The following STYXL2 variants were observed in gnomAD, a reference collection of about 807,000 sequenced individuals.
STYXL2 encodes serine/threonine/tyrosine interacting like 2, also known as serine/threonine/tyrosine-interacting-like protein 2.
In STYXL2, 44 loss-of-function variants were observed where a neutral mutation model predicts 52.4. The ratio of observed to expected loss-of-function variants is 0.84; its 90% CI spans 0.66 to 1.08. The LOEUF (loss-of-function observed/expected upper bound fraction) is 1.08, where lower values mean the gene tolerates loss of function less well. Ranked by LOEUF, STYXL2 falls within the 50% of genes least tolerant of loss-of-function variation. STYXL2 has a pLI of 0.00. For missense variants in STYXL2, 1,604 were observed against 1,471.7 expected (o/e 1.09, Z -1.47); for synonymous variants, 604 against 586.9 (o/e 1.03, Z -0.42).
chr1:167,098,721 C>A (rs1667341827), intron 2 of STYXL2, among the ~76,000 whole-genome samples: 2 of 152,172 alleles, frequency 1.3e-5, no homozygotes, highest in South Asian at 4.1e-4. Context: ...CTCACAGAGG[C>A]ATCTTCACGT....
Position 167,117,626 on chromosome 1 carries a change from C to T in STYXL2, c.437+67C>T. 2.8e-6 allele frequency: 4 copies of T among 1,427,482 alleles called. No homozygotes were observed. In the South Asian group the frequency reaches 3.9e-5, roughly 14 times the overall value. 88.4% of individuals were successfully genotyped at this position (1,427,482 alleles called of 1,614,324 possible). ...TGGTTAGTGCCTGAGACAGACGAAA[C>T]TCCCCCAACTTTCACCAAAGGCGCC... On this transcript the variant is annotated intron_variant, in intron 4 of 5. Coordinates refer to ENST00000361200, the MANE Select transcript of STYXL2 (RefSeq NM_001080426.3).
In STYXL2 at chr1:167,125,965, G is replaced by T. The variant is rs1320081992; in HGVS notation, c.834G>T (p.Leu278Phe). 6.2e-7 allele frequency: 1 copy of T among 1,613,828 alleles called. No individual in the cohort carries two copies. Among genetic ancestry groups the T allele is most frequent in the Non-Finnish European group, 8.5e-7 (1 of 1,179,946 alleles). ...AGCTGCGGGAGCTCAATGAGAAGTT[G>T]ATGGAGGAGAGAGAAGAGGACTATG... Reference protein sequence around the residue: ...LKQLRELNEKLMEEREEDYGR... With the variant: ...LKQLRELNEKFMEEREEDYGR... Residue 278 changes from leucine to phenylalanine, a missense_variant, in exon 6 of 6, where the codon TTG becomes TTT. Leu to Phe is a conservative substitution (Grantham distance 22). Coordinates refer to ENST00000361200, the MANE Select transcript of STYXL2 (RefSeq NM_001080426.3).
chr1:167,122,285 A>G (rs567391987), intron 5 of STYXL2, among the ~76,000 whole-genome samples: 1 of 152,220 alleles, frequency 6.6e-6, no homozygotes, highest in Non-Finnish European at 1.5e-5. Context: ...CAGGCCTGGA[A>G]CAAGGACTGG....
chr1:167,126,448 C>T lies in STYXL2; in HGVS notation c.1317C>T (p.Ala439=). ...GGCGCACCCTGAGCGAGAGCAGCGCCTGGGAGAGCGTGAGCAGCCACGACA... is the reference window on the plus strand; with the variant it reads ...GGCGCACCCTGAGCGAGAGCAGCGCTTGGGAGAGCGTGAGCAGCCACGACA... ...RRRRTLSESS[A]WESVSSHDIW... is the part of the protein sequence containing the mutation. The change falls in exon 6 of 6, where the codon GCC becomes GCT. Residue 439 remains alanine (A), a synonymous_variant. Transcript: ENST00000361200. 6.3e-7 allele frequency: 1 copy of T among 1,581,882 alleles called. No individual in the cohort carries two copies. The highest frequency in any genetic ancestry group is 8.6e-7 in the Non-Finnish European group (1 of 1,164,544).
At chr1:167,124,702 T>C (rs1238194240) in intron 5 of STYXL2, among the ~76,000 whole-genome samples, 2 of 152,246 alleles carry the variant, frequency 1.3e-5, no homozygotes, top group African/African-American at 4.8e-5. Flanking sequence ...AGTTTAAAAA[T>C]GACTGCACAT....
At chr1:167,123,065 A>C (rs984868992) in intron 5 of STYXL2, among the ~76,000 whole-genome samples, 2 of 152,192 alleles carry the variant, frequency 1.3e-5, no homozygotes, top group Non-Finnish European at 2.9e-5. Context: ...TACCTTCCTC[A>C]AACCATTTTA....
Position 167,117,482 on chromosome 1 carries a change from G to A in STYXL2, c.360G>A (p.Arg120=). 6.2e-7 allele frequency: 1 copy of A among 1,612,422 alleles called. No homozygotes were observed. Among genetic ancestry groups the A allele is most frequent in the Non-Finnish European group, 8.5e-7 (1 of 1,179,302 alleles). ...CGCCCTGTGTCCTGGACCTACAGCG[G>A]GCCCTGGTTCAGGATCGCCAAGAGG... ...YNTPCVLDLQ[R]ALVQDRQEAP... Residue 120 remains arginine (R), a synonymous_variant, in exon 4 of 6, where the codon CGG becomes CGA. Coordinates refer to ENST00000361200, the MANE Select transcript of STYXL2 (RefSeq NM_001080426.3).
intron 2 of STYXL2, among the ~76,000 whole-genome samples, chr1:167,106,297 C>A (rs571133832): frequency 1.3e-5 from 2 of 152,296 alleles, no homozygotes; most frequent in South Asian, 4.1e-4. Context: ...AAGGGCGCCT[C>A]CTGTGTCTAT....
rs573171187 is a variant in STYXL2, at chr1:167,126,444, G to A, written c.1313G>A (p.Ser438Asn). The A allele has an allele frequency of 2.2e-5, 35 of 1,578,130 alleles. No individual in the cohort carries two copies. In the African/African-American group the frequency reaches 3.9e-4, roughly 18 times the overall value. ...GRRRRTLSESSAWESVSSHDI... is the reference protein window; with the variant it reads ...GRRRRTLSESNAWESVSSHDI... ...CGGCGGCGCACCCTGAGCGAGAGCA[G>A]CGCCTGGGAGAGCGTGAGCAGCCAC... The change falls in exon 6 of 6, where the codon AGC becomes AAC. Residue 438 changes from serine (S) to asparagine (N), a missense_variant. By Grantham distance (46) the Ser-to-Asn change is conservative. Coordinates refer to ENST00000361200, the MANE Select transcript of STYXL2 (RefSeq NM_001080426.3).
chr1:167,126,967 CA>C lies in STYXL2; in HGVS notation c.1838del (p.Lys613ArgfsTer67). The C allele has an allele frequency of 6.2e-7, 1 of 1,610,270 alleles. No individual in the cohort carries two copies. The highest frequency in any genetic ancestry group is 8.5e-7 in the Non-Finnish European group (1 of 1,178,196). On this transcript the variant is annotated frameshift_variant, in exon 6 of 6. Coordinates refer to ENST00000361200, the MANE Select transcript of STYXL2 (RefSeq NM_001080426.3). LOFTEE classifies it low-confidence loss of function (END_TRUNC). Reference sequence around the variant, plus strand: ...ACAAGGAGGAGGTGGTGGAGCTCAGCAAGGGGGAGGACTCGGCCTTGGCTAA... The same window carrying C: ...ACAAGGAGGAGGTGGTGGAGCTCAGCAGGGGGAGGACTCGGCCTTGGCTAA... ...ENKEEVVELSKGEDSALAKKR... is the reference protein window; with the variant it reads ...ENKEEVVELSXGEDSALAKKR...
rs1667251917 is a variant in STYXL2, at chr1:167,094,936, C to A, written c.87C>A (p.Tyr29Ter). Reference protein sequence around the residue: ...EANVRAVQAHYLRSPSPSQYS... With the variant: ...EANVRAVQAH Reference sequence around the variant, plus strand: ...ACGTGAGGGCGGTGCAGGCCCACTACCTCCGAAGCCCCTCCCCTAGCCAGT... The same window carrying A: ...ACGTGAGGGCGGTGCAGGCCCACTAACTCCGAAGCCCCTCCCCTAGCCAGT... Residue 29 changes from tyrosine (Y) to a stop codon, truncating the protein, a stop_gained, in exon 2 of 6, where the codon TAC (tyrosine) becomes TAA (stop). Coordinates refer to ENST00000361200, the MANE Select transcript of STYXL2 (RefSeq NM_001080426.3). LOFTEE classifies it high-confidence loss of function. 1 of 1,607,334 alleles carries A rather than the reference C, an allele frequency of 6.2e-7. No individual in the cohort carries two copies.
At position 167,127,676 on chromosome 1, in the gene STYXL2, G is replaced by C; in HGVS notation, c.2545G>C (p.Glu849Gln). ...KEKEMQMELR[E>Q]KMSEYKMEKL... ...GAAGGAGATGCAGATGGAGCTTAGGGAGAAGATGTCTGAGTACAAAATGGA... is the reference window on the plus strand; with the variant it reads ...GAAGGAGATGCAGATGGAGCTTAGGCAGAAGATGTCTGAGTACAAAATGGA... The change falls in exon 6 of 6, where the codon GAG becomes CAG. Residue 849 changes from glutamate (E) to glutamine (Q), a missense_variant. By Grantham distance (29) the Glu-to-Gln change is conservative (BLOSUM62 2). Coordinates refer to ENST00000361200, the MANE Select transcript of STYXL2 (RefSeq NM_001080426.3). 1 of 1,614,122 alleles carries C rather than the reference G, an allele frequency of 6.2e-7. No homozygotes were observed. Among genetic ancestry groups the C allele is most frequent in the Non-Finnish European group, 8.5e-7 (1 of 1,180,018 alleles).
rs1558028054 is a variant in STYXL2 at position 167,127,008 on chromosome 1, G to A, written c.1877G>A (p.Arg626Lys). ...DSALAKKRQR[R>K]LELLERSRQT... Reference sequence around the variant, plus strand: ...GCCTTGGCTAAGAAGAGACAACGGAGGCTGGAGCTGCTGGAGAGAAGCCGG... The same window carrying A: ...GCCTTGGCTAAGAAGAGACAACGGAAGCTGGAGCTGCTGGAGAGAAGCCGG... The change falls in exon 6 of 6, where the codon AGG becomes AAG. Residue 626 changes from arginine to lysine, a missense_variant. Coordinates refer to ENST00000361200, the MANE Select transcript of STYXL2 (RefSeq NM_001080426.3). 6.2e-7 allele frequency: 1 copy of A among 1,607,176 alleles called. No homozygotes were observed.
chr1:167,110,979 C>T (rs1025890422), intron 2 of STYXL2, among the ~76,000 whole-genome samples: 1 of 152,242 alleles, frequency 6.6e-6, no homozygotes, highest in African/African-American at 2.4e-5. Flanking sequence ...CATTGAGATG[C>T]TTTCTCTCCA....
At chr1:167,110,821 C>T (rs1296311559) in intron 2 of STYXL2, among the ~76,000 whole-genome samples, 1 of 152,204 alleles carries the variant, frequency 6.6e-6, no homozygotes. Flanking sequence ...TTCCCAGCCC[C>T]TTACAGTTCC....
At chr1:167,110,316 T>C (rs1259224325) in intron 2 of STYXL2, among the ~76,000 whole-genome samples, 2 of 152,154 alleles carry the variant, frequency 1.3e-5, no homozygotes, top group African/African-American at 4.8e-5. Flanking sequence ...AAAGCAAGGT[T>C]CTTTAACACC....
intron 2 of STYXL2, among the ~76,000 whole-genome samples, chr1:167,111,466 GTACATATATATATATATA>G (rs1667614310): frequency 1.3e-5 from 1 of 78,464 alleles, no homozygotes; most frequent in African/African-American, 4.0e-5. Context: ...GGAAAATATG[GTACATATATATATATATA>G]TATATATATA....
chr1:167,102,856 C>T (rs921338787), intron 2 of STYXL2, among the ~76,000 whole-genome samples: 3 of 152,190 alleles, frequency 2.0e-5, no homozygotes, highest in African/African-American at 4.8e-5. Context: ...AGTTAAATTA[C>T]GCACCAAGTC....
rs753331602 is a variant in STYXL2 at position 167,127,626 on chromosome 1, A to G, written c.2495A>G (p.Asp832Gly). 6 of 1,614,158 alleles carry G rather than the reference A, an allele frequency of 3.7e-6. No individual in the cohort carries two copies. In the Admixed American group the frequency reaches 1.0e-4, roughly 27 times the overall value. Residue 832 changes from aspartate (D) to glycine (G), a missense_variant, in exon 6 of 6, where the codon GAC becomes GGC. Asp to Gly is a moderately conservative substitution (Grantham distance 94). Coordinates refer to ENST00000361200, the MANE Select transcript of STYXL2 (RefSeq NM_001080426.3). Reference protein sequence around the residue: ...PIFSLFADNVDLKELGRKEKE... With the variant: ...PIFSLFADNVGLKELGRKEKE... The stretch of plus-strand genomic sequence containing the variant: ...TTCAGCCTCTTTGCTGACAATGTGG[A>G]CCTAAAGGAACTTGGCCGGAAGGAG...
Sources: gnomAD v4.1 joint callset for allele counts (sites outside exome capture counted in the v4.1 genomes callset) on GRCh38, gnomAD v4.1.1 for gene constraint, MANE v1.5 for transcripts, NCBI Gene and HGNC (gene_info 2026-07-23, HGNC 2026-07-21) for gene names.